The following CLIC4 variants were observed in gnomAD, a reference collection of about 807,000 sequenced individuals.
CLIC4 encodes CLIC family member 4, also known as chloride intracellular channel protein 4.
In CLIC4, 13 loss-of-function variants were observed where a neutral mutation model predicts 24.6. The observed-to-expected ratio is 0.53, with a 90% confidence interval of 0.34 to 0.84. The LOEUF (loss-of-function observed/expected upper bound fraction) is 0.84, where lower values mean the gene tolerates loss of function less well. Among genes scored for constraint, CLIC4 ranks in the 40% least tolerant of loss-of-function variants. The pLI is 0.01. For missense variants in CLIC4, 227 were observed against 301.7 expected (o/e 0.75, Z 1.83); for synonymous variants, 104 against 111.3 (o/e 0.93, Z 0.41).
chr1:24,796,188 AT>A (rs1162414415), intron 1 of CLIC4, among the ~76,000 whole-genome samples: 1 of 152,102 alleles, frequency 6.6e-6, no homozygotes, highest in Admixed American at 6.5e-5. Context: ...ATTTGCTTTT[AT>A]TTTTTATTTT....
chr1:24,765,181 G>A (rs988118212), intron 1 of CLIC4, among the ~76,000 whole-genome samples: 44 of 152,262 alleles, frequency 2.9e-4, no homozygotes, highest in African/African-American at 1.0e-3. Flanking sequence ...TGAGATAGAA[G>A]AAGTATATAT....
chr1:24,819,582 C>T (rs758357243), intron 3 of CLIC4, among the ~76,000 whole-genome samples: 52 of 151,182 alleles, frequency 3.4e-4, no homozygotes, highest in Admixed American at 1.8e-3. Flanking sequence ...GAATTACAGG[C>T]GTCCACCACT....
intron 1 of CLIC4, among the ~76,000 whole-genome samples, chr1:24,791,746 G>A (rs374293773): frequency 3.1e-4 from 47 of 152,162 alleles, no homozygotes; most frequent in African/African-American, 1.1e-3. Flanking sequence ...CATGGTTGTG[G>A]GCACCTGTAA....
At chr1:24,816,809 T>A (rs1345081642) in intron 3 of CLIC4, among the ~76,000 whole-genome samples, 2 of 152,170 alleles carry the variant, frequency 1.3e-5, no homozygotes, top group Non-Finnish European at 2.9e-5. Context: ...AAAGGAATCT[T>A]TTTTTCCTGG....
At chr1:24,769,252 CA>C (rs1201157196) in intron 1 of CLIC4, among the ~76,000 whole-genome samples, 5 of 152,106 alleles carry the variant, frequency 3.3e-5, no homozygotes, top group Admixed American at 2.0e-4. Context: ...ACAGAATAAA[CA>C]GATATATAAA....
At position 24,841,572 on chromosome 1, in the gene CLIC4, T is replaced by A. The variant is rs535926821; in HGVS notation, c.*635T>A. On this transcript the variant is annotated 3_prime_UTR_variant, in exon 6 of 6. Coordinates refer to ENST00000374379, the MANE Select transcript of CLIC4 (RefSeq NM_013943.3). Reference sequence around the variant, plus strand: ...TTTTACTTTTGCCTAAAAGCATTTATCCTTCATACCAATTGTAACATCTGA... The same window carrying A: ...TTTTACTTTTGCCTAAAAGCATTTAACCTTCATACCAATTGTAACATCTGA... The A allele has an allele frequency of 6.6e-6, 1 of 152,318 alleles. No individual in the cohort carries two copies. The highest frequency in any genetic ancestry group is 2.1e-4 in the South Asian group (1 of 4,832). 9.4% of individuals were successfully genotyped at this position (152,318 alleles called of 1,614,324 possible).
At chr1:24,792,878 T>A (rs1553191758) in intron 1 of CLIC4, among the ~76,000 whole-genome samples, 1 of 152,232 alleles carries the variant, frequency 6.6e-6, no homozygotes, top group Non-Finnish European at 1.5e-5. Context: ...ATTCTGAGAT[T>A]CTTTTGCCCA....
At chr1:24,769,776 T>C (rs1639049798) in intron 1 of CLIC4, among the ~76,000 whole-genome samples, 1 of 152,188 alleles carries the variant, frequency 6.6e-6, no homozygotes, top group Non-Finnish European at 1.5e-5. Context: ...CTCACCTCGT[T>C]GCATTTTGGG....
intron 1 of CLIC4, among the ~76,000 whole-genome samples, chr1:24,756,026 G>T (rs1571228895): frequency 1.5e-5 from 2 of 133,708 alleles, no homozygotes; most frequent in East Asian, 2.1e-4. Context: ...TTGAGACGGA[G>T]TCTTGCTCTG....
chr1:24,784,274 C>T (rs1639239179), intron 1 of CLIC4, among the ~76,000 whole-genome samples: 1 of 152,194 alleles, frequency 6.6e-6, no homozygotes, highest in Non-Finnish European at 1.5e-5. Flanking sequence ...TGTATGAACT[C>T]ATTCAGTTCT....
intron 3 of CLIC4, among the ~76,000 whole-genome samples, chr1:24,820,067 G>GTATATATATATATATATATATATATATA (rs751126014): frequency 2.7e-5 from 1 of 36,470 alleles, no homozygotes; most frequent in Non-Finnish European, 5.2e-5. Flanking sequence ...AAAAAAGTAT[G>GTATATATATATATATATATATATATATA]TATATATATA....
At chr1:24,755,370 C>T (rs1222187540) in intron 1 of CLIC4, among the ~76,000 whole-genome samples, 1 of 149,184 alleles carries the variant, frequency 6.7e-6, no homozygotes, top group Non-Finnish European at 1.5e-5. Flanking sequence ...ACCCGGGAGG[C>T]GGAGGTTGCA....
Position 24,799,747 on chromosome 1 carries a change from T to TG in CLIC4, c.182+1903dup, listed in dbSNP as rs1352852996. Reference sequence around the variant, plus strand: ...CCAGCCGCCCCGTCCGGGAGGGAGGTGGGGGGGTCAGCCCCCTGCCCGGCC... The same window carrying TG: ...CCAGCCGCCCCGTCCGGGAGGGAGGTGGGGGGGGTCAGCCCCCTGCCCGGCC... On this transcript the variant is annotated intron_variant, in intron 2 of 5. Coordinates refer to ENST00000374379, the MANE Select transcript of CLIC4 (RefSeq NM_013943.3). Among the ~76,000 whole-genome samples, 466 of 88,966 alleles carry TG rather than the reference T, an allele frequency of 5.2e-3. 2 individuals carry two copies. The highest frequency in any genetic ancestry group is 8.2e-3 in the Middle Eastern group (1 of 122). 58.4% of individuals were successfully genotyped at this position (88,966 alleles called of 152,430 possible). A position where few individuals can be genotyped will look rare whatever the true frequency, so the allele number is the denominator to read the frequency against.
intron 4 of CLIC4, among the ~76,000 whole-genome samples, chr1:24,827,775 A>C (rs1052574853): frequency 6.6e-6 from 1 of 152,080 alleles, no homozygotes; most frequent in African/African-American, 2.4e-5. Context: ...TATTTTTATT[A>C]TTTTATTCAC....
chr1:24,808,047 T>A (rs1319075598), intron 2 of CLIC4, among the ~76,000 whole-genome samples: 1 of 152,144 alleles, frequency 6.6e-6, no homozygotes, highest in Non-Finnish European at 1.5e-5. Flanking sequence ...ACCTCCCGGA[T>A]TCAAGCAATT....
intron 1 of CLIC4, among the ~76,000 whole-genome samples, chr1:24,781,134 ATTTTTTTTT>A (rs35627731): frequency 2.1e-5 from 2 of 97,344 alleles, no homozygotes; most frequent in African/African-American, 7.7e-5. Flanking sequence ...AGGTAACTGA[ATTTTTTTTT>A]TTTTTTTTTG....
intron 1 of CLIC4, among the ~76,000 whole-genome samples, chr1:24,797,001 C>G (rs1639412724): frequency 6.7e-6 from 1 of 150,192 alleles, no homozygotes; most frequent in Non-Finnish European, 1.5e-5. Context: ...GTCGCCCAGG[C>G]TGGAGTGCAT....
intron 1 of CLIC4, among the ~76,000 whole-genome samples, chr1:24,791,435 G>A (rs1035941501): frequency 6.6e-6 from 1 of 152,038 alleles, no homozygotes; most frequent in African/African-American, 2.4e-5. Flanking sequence ...TTTGACTTGT[G>A]AATTCTAGAA....
At chr1:24,779,353 C>T (rs1330439405) in intron 1 of CLIC4, among the ~76,000 whole-genome samples, 1 of 152,028 alleles carries the variant, frequency 6.6e-6, no homozygotes, top group Non-Finnish European at 1.5e-5. Context: ...GCCTATAGTC[C>T]CAGCTACTTG....
Sources: allele counts gnomAD v4.1 joint callset (sites outside exome capture counted in the v4.1 genomes callset), GRCh38; gene constraint gnomAD v4.1.1; transcripts MANE v1.5; gene names NCBI Gene and HGNC (gene_info 2026-07-23, HGNC 2026-07-21).